Variants in CCDC63 observed in about 807,000 individuals in gnomAD.
CCDC63 encodes the protein coiled-coil domain containing 63.
In CCDC63, 54 loss-of-function variants were observed where a neutral mutation model predicts 63.6. The observed-to-expected ratio is 0.85, with a 90% CI of 0.68 to 1.07. The LOEUF is 1.07. Among genes scored for constraint, CCDC63 ranks in the 50% least tolerant of loss-of-function variants. The probability of loss-of-function intolerance (pLI) is 0.00; values close to 1 mark genes in which losing one functional copy is unlikely to be tolerated. For synonymous variants in CCDC63, 253 were observed against 266.1 expected (o/e 0.95, Z 0.48); for missense variants, 637 against 689.6 (o/e 0.92, Z 0.86).
In CCDC63 at chr12:110,873,863, A is replaced by AT; in HGVS notation, c.392dup (p.Ala132ArgfsTer15). The stretch of plus-strand genomic sequence containing the variant: ...TCAGATTCTTCAGATGGAAAAAAAA[A>AT]TCGCAAACCAAAAACAGATTTTCGC... On this transcript the variant is annotated frameshift_variant, in exon 5 of 12. Coordinates refer to ENST00000308208, the MANE Select transcript of CCDC63 (RefSeq NM_152591.3). LOFTEE classifies it high-confidence loss of function. The AT allele has an allele frequency of 6.2e-7, 1 of 1,613,120 alleles. No individual in the cohort carries two copies.
intron 4 of CCDC63, among the ~76,000 whole-genome samples, chr12:110,867,197 G>C (rs1318594299): frequency 1.5e-5 from 2 of 133,634 alleles, no homozygotes; most frequent in Non-Finnish European, 3.3e-5. Flanking sequence ...CCTCCCTCCC[G>C]GACGGGGCGG....
At chr12:110,877,315 C>A (rs544982397) in intron 5 of CCDC63, among the ~76,000 whole-genome samples, 3 of 151,626 alleles carry the variant, frequency 2.0e-5, no homozygotes, top group African/African-American at 7.3e-5. Flanking sequence ...CAGGTTCAAG[C>A]AATCCTCCTG....
At chr12:110,858,831 G>A in intron 4 of CCDC63, 56 bp downstream of exon 4, 1 of 1,513,308 alleles carries the variant, frequency 6.6e-7, no homozygotes, top group Non-Finnish European at 9.1e-7. Flanking sequence ...GGAGGAGTTG[G>A]GGTGCATATT....
rs1319440341 is a variant in CCDC63 at position 110,899,184 on chromosome 12, T to G, written c.1342+59T>G. ...AAACATTTCCAGAACTTTCTGTGAC[T>G]GAGCATAAGGCCTTGCTCTTATGGA... On this transcript the variant is annotated intron_variant, in intron 10 of 11. Transcript: ENST00000308208. 5 of 1,471,836 alleles carry G rather than the reference T, an allele frequency of 3.4e-6. No homozygotes were observed. In the East Asian group the frequency reaches 9.2e-5, roughly 27 times the overall value. The allele number at this position is 1,471,836 out of a possible 1,614,324, so 91.2% of individuals were successfully genotyped here.
intron 11 of CCDC63, among the ~76,000 whole-genome samples, chr12:110,905,245 C>A (rs1592793316): frequency 6.6e-6 from 1 of 152,046 alleles, no homozygotes; most frequent in Non-Finnish European, 1.5e-5. Context: ...TGGCCCCTCC[C>A]CATTTTTGTC....
intron 8 of CCDC63, among the ~76,000 whole-genome samples, chr12:110,885,526 G>A (rs938954856): frequency 6.6e-6 from 1 of 152,180 alleles, no homozygotes; most frequent in African/African-American, 2.4e-5. Context: ...TGCCTTTGCA[G>A]ACACAGGTCC....
intron 5 of CCDC63, among the ~76,000 whole-genome samples, chr12:110,879,107 T>A (rs1431916067): frequency 6.6e-6 from 1 of 152,228 alleles, no homozygotes; most frequent in Non-Finnish European, 1.5e-5. Context: ...ACTTTTTCTT[T>A]CACAGTCATA....
At chr12:110,864,391 A>T (rs916442362) in intron 4 of CCDC63, among the ~76,000 whole-genome samples, 34 of 151,276 alleles carry the variant, frequency 2.2e-4, no homozygotes, top group African/African-American at 8.3e-4. Context: ...GGAGTTTGAG[A>T]CCAGCCTGGG....
chr12:110,860,235 A>G (rs1054754160), intron 4 of CCDC63, among the ~76,000 whole-genome samples: 4 of 152,196 alleles, frequency 2.6e-5, no homozygotes, highest in Non-Finnish European at 2.9e-5. Context: ...CCTCAGTGCA[A>G]GGGAGCCCCT....
intron 4 of CCDC63, among the ~76,000 whole-genome samples, chr12:110,867,003 C>A (rs2070962364): frequency 7.4e-6 from 1 of 135,848 alleles, no homozygotes; most frequent in Non-Finnish European, 1.6e-5. Context: ...GGGGCTGACC[C>A]CCCCACCTCC....
At chr12:110,896,862 AGG>A (rs2071421410) in intron 9 of CCDC63, among the ~76,000 whole-genome samples, 3 of 152,220 alleles carry the variant, frequency 2.0e-5, no homozygotes, top group Non-Finnish European at 4.4e-5. Flanking sequence ...ACTGTGCACC[AGG>A]ATCACCGGGA....
chr12:110,868,139 C>T (rs2136673618), intron 4 of CCDC63, among the ~76,000 whole-genome samples: 1 of 149,698 alleles, frequency 6.7e-6, no homozygotes, highest in Admixed American at 6.6e-5. Flanking sequence ...CGATGGGCGG[C>T]CGGGCAGAGA....
intron 7 of CCDC63, 143 bp from the exon 8 acceptor site, chr12:110,883,887 G>T (rs1420578872): frequency 7.2e-6 from 5 of 696,804 alleles, no homozygotes; most frequent in Non-Finnish European, 1.3e-5. Flanking sequence ...TGATCTGCCT[G>T]CCTCGGCTTC....
chr12:110,877,137 CAT>C (rs1193953125), intron 5 of CCDC63, among the ~76,000 whole-genome samples: 1 of 151,984 alleles, frequency 6.6e-6, no homozygotes, highest in East Asian at 1.9e-4. Flanking sequence ...TGTTATCTCA[CAT>C]AGTTACCCAT....
intron 9 of CCDC63, among the ~76,000 whole-genome samples, chr12:110,894,641 A>G (rs1295324522): frequency 1.3e-5 from 2 of 152,222 alleles, no homozygotes; most frequent in Non-Finnish European, 2.9e-5. Flanking sequence ...GGTTCCAGGC[A>G]GGGTCCAGGT....
chr12:110,884,117 C>A lies in CCDC63; in HGVS notation c.941C>A (p.Ala314Asp). The A allele has an allele frequency of 6.2e-7, 1 of 1,614,114 alleles. No individual in the cohort carries two copies. Among genetic ancestry groups the A allele is most frequent in the Non-Finnish European group, 8.5e-7 (1 of 1,179,988 alleles). Residue 314 changes from alanine to aspartate, a missense_variant, in exon 8 of 12, where the codon GCT (alanine) becomes GAT (aspartate). By Grantham distance (126) the Ala-to-Asp change is moderately radical. Coordinates refer to ENST00000308208, the MANE Select transcript of CCDC63 (RefSeq NM_152591.3). ...EVAHLRLLKL[A>D]ESGNLNQLIE... ...GCCCACCTCCGGCTGCTGAAGCTGG[C>A]TGAGAGTGGGAACCTAAACCAGCTC... is the stretch of plus-strand genomic sequence containing the variant.
intron 4 of CCDC63, among the ~76,000 whole-genome samples, chr12:110,868,566 C>T (rs2071010677): frequency 6.6e-6 from 1 of 151,492 alleles, no homozygotes; most frequent in Non-Finnish European, 1.5e-5. Context: ...CCCGTCTCCA[C>T]CAAAACCAGT....
In CCDC63 at chr12:110,889,846, A is replaced by G. The variant is rs1206496261; in HGVS notation, c.1075-3230A>G. Among the ~76,000 whole-genome samples, 5 of 151,742 alleles carry G rather than the reference A, an allele frequency of 3.3e-5. No individual in the cohort carries two copies. The highest frequency in any genetic ancestry group is 5.9e-5 in the Non-Finnish European group (4 of 67,948). On this transcript the variant is annotated intron_variant, in intron 8 of 11. Coordinates refer to ENST00000308208, the MANE Select transcript of CCDC63 (RefSeq NM_152591.3). The surrounding 1 kb of genome is among the most constrained non-coding windows in gnomAD (Gnocchi z 4.1). ...CCCACCCCTGCCCTGTAAAGATCGG[A>G]AGACTCACTTCCTTTCTTTTTTCCT... is the stretch of plus-strand genomic sequence containing the variant.
rs1006666206 is a variant in CCDC63 at position 110,889,168 on chromosome 12, G to A, written c.1075-3908G>A. 1.3e-5 allele frequency among the ~76,000 whole-genome samples: 2 copies of A among 152,062 alleles called. No homozygotes were observed. Among genetic ancestry groups the A allele is most frequent in the African/African-American group, 2.4e-5 (1 of 41,406 alleles). On this transcript the variant is annotated intron_variant, in intron 8 of 11. Coordinates refer to ENST00000308208, the MANE Select transcript of CCDC63 (RefSeq NM_152591.3). This position sits in a 1 kb window ranked among gnomAD's most constrained non-coding sequence, Gnocchi z 4.1. ...ATCTGATTGAAGCAAATGTCCTTTTGGTTACTCGTTCATCCAGCAAGTATT... is the reference window on the plus strand; with the variant it reads ...ATCTGATTGAAGCAAATGTCCTTTTAGTTACTCGTTCATCCAGCAAGTATT...
Sources: gnomAD v4.1 joint callset for allele counts (sites outside exome capture counted in the v4.1 genomes callset) on GRCh38, gnomAD v4.1.1 for gene constraint, Gnocchi (gnomAD v3.1) non-coding constraint, MANE v1.5 for transcripts, NCBI Gene and HGNC (gene_info 2026-07-23, HGNC 2026-07-21) for gene names.